Variants in TTC23L observed in about 807,000 individuals in gnomAD.
TTC23L encodes the protein tetratricopeptide repeat domain 23 like.
TTC23L carries 42 observed loss-of-function variants against 48.1 expected under a neutral mutation model. The observed-to-expected ratio is 0.87, with a 90% CI of 0.68 to 1.13. The LOEUF (loss-of-function observed/expected upper bound fraction) is 1.13. TTC23L is among the 50% of genes most tolerant of loss of function. The pLI, the probability that TTC23L is intolerant of heterozygous loss-of-function variation, is 0.00. For synonymous variants in TTC23L, 159 were observed against 157.2 expected (o/e 1.01, Z -0.09); for missense variants, 391 against 421.0 (o/e 0.93, Z 0.62).
At chr5:34,876,868 C>T (rs550835753) in intron 8 of TTC23L, among the ~76,000 whole-genome samples, 183 of 152,116 alleles carry the variant, frequency 1.2e-3, no homozygotes, top group African/African-American at 4.2e-3. Flanking sequence ...GGGATAGTGT[C>T]AGGAGAAACA....
intron 3 of TTC23L, among the ~76,000 whole-genome samples, chr5:34,847,513 C>T (rs1376538328): frequency 1.3e-5 from 2 of 149,732 alleles, no homozygotes; most frequent in African/African-American, 4.9e-5. Flanking sequence ...CAAACCCAAC[C>T]TAGTACTCCT....
intron 9 of TTC23L, among the ~76,000 whole-genome samples, chr5:34,894,229 A>C (rs1763058820): frequency 1.3e-5 from 2 of 152,184 alleles, no homozygotes; most frequent in African/African-American, 4.8e-5. Flanking sequence ...ACAAATATAC[A>C]CCTATACATA....
the TTC23L span, chr5:34,920,080 C>G: frequency 7.6e-6 from 3 of 395,204 alleles, no homozygotes; most frequent in African/African-American, 2.1e-5. Flanking sequence ...TTTGTTTTGT[C>G]TGAACAAGCA....
rs1194702037 is a variant in TTC23L at position 34,863,083 on chromosome 5, T to C, written c.536+29T>C. The C allele has an allele frequency of 1.2e-6, 2 of 1,612,618 alleles. No individual in the cohort carries two copies. Among genetic ancestry groups the C allele is most frequent in the East Asian group, 2.2e-5 (1 of 44,866 alleles). On this transcript the variant is annotated intron_variant, in intron 5 of 10. Transcript: ENST00000505624. The surrounding 1 kb of genome is among the most constrained non-coding windows in gnomAD (Gnocchi z 4.1). ...TCCTTCCATTCCTAGCTGCGTTTAG[T>C]GTTCGGGGCCACAGGCCACACATGC... is the stretch of plus-strand genomic sequence containing the variant.
chr5:34,916,326 T>G, the TTC23L span: 1 of 154,984 alleles, frequency 6.5e-6, no homozygotes, highest in Non-Finnish European at 1.4e-5. Context: ...TAGGGGAGCC[T>G]TTAAAAAGTT....
chr5:34,907,546 C>G, the TTC23L span: 1 of 152,048 alleles, frequency 6.6e-6, no homozygotes, highest in Non-Finnish European at 1.5e-5. Flanking sequence ...TATTTATATG[C>G]CACAAAAATT....
chr5:34,840,554 G>T (rs1758563828), intron 1 of TTC23L, 111 bp from the exon 2 acceptor site: 1 of 856,916 alleles, frequency 1.2e-6, no homozygotes. Flanking sequence ...ATTTAGGATG[G>T]GTTATATATT....
At chr5:34,892,332 AGT>A (rs755895300) in intron 9 of TTC23L, among the ~76,000 whole-genome samples, 1 of 152,204 alleles carries the variant, frequency 6.6e-6, no homozygotes, top group Non-Finnish European at 1.5e-5. Flanking sequence ...TTGAAATCAG[AGT>A]TAATTTCAAG....
At chr5:34,911,832 T>C in the TTC23L span, 1 of 1,612,642 alleles carries the variant, frequency 6.2e-7, no homozygotes, top group South Asian at 1.1e-5. Context: ...AAAGAAGTCA[T>C]ACTTGGCCTT....
At chr5:34,907,839 C>G in the TTC23L span, 1 of 152,124 alleles carries the variant, frequency 6.6e-6, no homozygotes, top group Non-Finnish European at 1.5e-5. Context: ...GCAAGGAAAT[C>G]ACATGTAAAA....
At chr5:34,889,379 G>A (rs2111774826) in intron 9 of TTC23L, among the ~76,000 whole-genome samples, 1 of 152,326 alleles carries the variant, frequency 6.6e-6, no homozygotes, top group Admixed American at 6.5e-5. Context: ...TAACAGAGGT[G>A]CATTGCTGCT....
intron 2 of TTC23L, among the ~76,000 whole-genome samples, chr5:34,841,790 TA>T (rs1460344177): frequency 6.6e-6 from 1 of 152,242 alleles, no homozygotes; most frequent in Admixed American, 6.5e-5. Flanking sequence ...GTGCTGGGAT[TA>T]CAGGCATGAG....
chr5:34,844,308 C>T (rs531767375), intron 2 of TTC23L, among the ~76,000 whole-genome samples: 14 of 124,466 alleles, frequency 1.1e-4, no homozygotes, highest in South Asian at 7.7e-4. Flanking sequence ...GGTTTGCCCA[C>T]GTGCCTCTTG....
chr5:34,868,097 A>T (rs1761196933), intron 7 of TTC23L: 1 of 152,214 alleles, frequency 6.6e-6, no homozygotes, highest in Non-Finnish European at 1.5e-5. Context: ...AGGTACCATT[A>T]TTATTTTATC....
chr5:34,911,771 A>T, the TTC23L span: 12 of 1,614,202 alleles, frequency 7.4e-6, no homozygotes, highest in Non-Finnish European at 1.0e-5. Flanking sequence ...ATCAAAGGGT[A>T]ACCATAACCT....
At chr5:34,889,119 G>A (rs991599811) in intron 9 of TTC23L, among the ~76,000 whole-genome samples, 3 of 152,150 alleles carry the variant, frequency 2.0e-5, no homozygotes, top group Middle Eastern at 3.4e-3. Context: ...TATTGACCTC[G>A]AACTGTTCTC....
chr5:34,922,327 G>T, the TTC23L span: 7 of 1,275,224 alleles, frequency 5.5e-6, 1 homozygote, highest in South Asian at 9.0e-5. Context: ...ACTCATTTAA[G>T]TGGATTTGTT....
chr5:34,846,575 A>AT (rs1759166778), intron 3 of TTC23L, among the ~76,000 whole-genome samples: 2 of 113,392 alleles, frequency 1.8e-5, no homozygotes, highest in East Asian at 2.1e-4. Context: ...AAAAAAAAAA[A>AT]AATATATATA....
intron 4 of TTC23L, among the ~76,000 whole-genome samples, chr5:34,857,989 T>C (rs1371447694): frequency 6.6e-6 from 1 of 152,206 alleles, no homozygotes; most frequent in Non-Finnish European, 1.5e-5. Flanking sequence ...TGAGCAGATT[T>C]TCTCTGGCCT....
Sources: allele counts gnomAD v4.1 joint callset (sites outside exome capture counted in the v4.1 genomes callset), GRCh38; gene constraint gnomAD v4.1.1; non-coding constraint Gnocchi (gnomAD v3.1); transcripts MANE v1.5; gene names NCBI Gene and HGNC (gene_info 2026-07-23, HGNC 2026-07-21).